Variants in STPG4 observed in about 807,000 individuals in gnomAD.
The protein encoded by STPG4 is protein STPG4.
In STPG4, 41 loss-of-function variants were observed where a neutral mutation model predicts 31.5. The observed-to-expected ratio is 1.30, with a 90% CI of 1.01 to 1.69. The LOEUF (loss-of-function observed/expected upper bound fraction) is 1.69. Among genes scored for constraint, STPG4 ranks in the 40% most tolerant of loss-of-function variants. The pLI is 0.00. For missense variants in STPG4, 375 were observed against 293.4 expected, an observed-to-expected ratio of 1.28 and a Z score of -2.03; for synonymous variants, 141 against 103.0, an observed-to-expected ratio of 1.37 and a Z score of -2.24.
intron 5 of STPG4, among the ~76,000 whole-genome samples, chr2:47,105,947 T>A (rs1685901521): frequency 6.6e-6 from 1 of 150,872 alleles, no homozygotes; most frequent in South Asian, 2.1e-4. Context: ...TACAAAGAGG[T>A]GGGAATCTTA....
intron 3 of STPG4, among the ~76,000 whole-genome samples, chr2:47,133,791 G>A (rs1429882695): frequency 6.6e-6 from 1 of 151,632 alleles, no homozygotes; most frequent in Admixed American, 6.6e-5. Flanking sequence ...TGGTCACGCT[G>A]GTCTCAAATG....
At chr2:47,123,988 T>G (rs141873224) in intron 5 of STPG4, among the ~76,000 whole-genome samples, 1 of 152,232 alleles carries the variant, frequency 6.6e-6, no homozygotes, top group East Asian at 1.9e-4. Flanking sequence ...TTTATTTATT[T>G]ATTTATTTTT....
At chr2:47,112,416 C>T (rs941600111) in intron 5 of STPG4, among the ~76,000 whole-genome samples, 1 of 151,826 alleles carries the variant, frequency 6.6e-6, no homozygotes, top group Non-Finnish European at 1.5e-5. Context: ...AGTGATCTGC[C>T]CACCTCGGCC....
At chr2:47,146,668 T>C (rs1357385683) in intron 3 of STPG4, among the ~76,000 whole-genome samples, 1 of 152,080 alleles carries the variant, frequency 6.6e-6, no homozygotes, top group Non-Finnish European at 1.5e-5. Context: ...ATGGTGTTCA[T>C]AGCCTTGAGT....
intron 5 of STPG4, among the ~76,000 whole-genome samples, chr2:47,114,240 C>T (rs1010204010): frequency 6.6e-6 from 1 of 151,940 alleles, no homozygotes; most frequent in African/African-American, 2.4e-5. Flanking sequence ...TGTGGTGGCT[C>T]ATACCTGTAA....
At chr2:47,144,545 T>C (rs965829561) in intron 3 of STPG4, among the ~76,000 whole-genome samples, 1 of 151,898 alleles carries the variant, frequency 6.6e-6, no homozygotes, top group African/African-American at 2.4e-5. Context: ...AACAAATGTA[T>C]AAATACACAA....
intron 5 of STPG4, among the ~76,000 whole-genome samples, chr2:47,099,285 G>T (rs1340008773): frequency 2.6e-5 from 4 of 152,218 alleles, no homozygotes; most frequent in African/African-American, 9.6e-5. Context: ...ATCTGAGGCA[G>T]TTCTGGCCTC....
intron 3 of STPG4, among the ~76,000 whole-genome samples, chr2:47,131,782 C>G (rs1477948622): frequency 6.6e-6 from 1 of 152,188 alleles, no homozygotes; most frequent in Non-Finnish European, 1.5e-5. Flanking sequence ...ACACTATTTC[C>G]ATCAGGAAAT....
rs567603347 is a variant in STPG4, at chr2:47,088,836, C to G, written c.624+1434G>C. ...AGTCCTAGCCAAACGTCAAAGGAAG[C>G]TGAAGCCTTTATTATTGCTATTAAT... On this transcript the variant is annotated intron_variant, in intron 6 of 6. Coordinates refer to ENST00000445927, the MANE Select transcript of STPG4 (RefSeq NM_001163561.2). Among the ~76,000 whole-genome samples, 8 of 152,312 alleles carry G rather than the reference C, an allele frequency of 5.3e-5. No individual in the cohort carries two copies. The East Asian group carries it at 1.5e-3, about 29-fold the overall frequency.
At chr2:47,106,860 C>T (rs959354272) in intron 5 of STPG4, among the ~76,000 whole-genome samples, 6 of 151,914 alleles carry the variant, frequency 3.9e-5, no homozygotes, top group African/African-American at 1.5e-4. Flanking sequence ...CCTCTAGAAT[C>T]GAGGCCATCA....
chr2:47,121,691 G>A (rs1441612668), intron 5 of STPG4, among the ~76,000 whole-genome samples: 1 of 152,094 alleles, frequency 6.6e-6, no homozygotes, highest in Non-Finnish European at 1.5e-5. Context: ...AGTTTCACTG[G>A]GCTAAAATTA....
At chr2:47,106,483 G>A (rs1163034065) in intron 5 of STPG4, among the ~76,000 whole-genome samples, 1 of 151,864 alleles carries the variant, frequency 6.6e-6, no homozygotes, top group Admixed American at 6.6e-5. Context: ...ACTCTCAAAG[G>A]ATTTCTCAGA....
intron 5 of STPG4, among the ~76,000 whole-genome samples, chr2:47,095,674 G>C (rs552581068): frequency 2.6e-5 from 4 of 152,186 alleles, no homozygotes; most frequent in African/African-American, 9.7e-5. Context: ...GGAATACAGT[G>C]ATATATGACT....
At chr2:47,109,858 T>A (rs531183343) in intron 5 of STPG4, among the ~76,000 whole-genome samples, 11 of 152,338 alleles carry the variant, frequency 7.2e-5, no homozygotes, top group Non-Finnish European at 1.5e-4. Context: ...CGTTTCACAA[T>A]GCTGGTTTGA....
At chr2:47,111,332 A>C (rs1375555026) in intron 5 of STPG4, among the ~76,000 whole-genome samples, 1 of 152,240 alleles carries the variant, frequency 6.6e-6, no homozygotes, top group East Asian at 1.9e-4. Context: ...GAAGTAGTGC[A>C]GAGTATCTGA....
rs1686966606 is a variant in STPG4 at position 47,152,976 on chromosome 2, C to T, written c.122G>A (p.Trp41Ter). Reference sequence around the variant, plus strand: ...ACATACTGTTAATGCTATTCTCCACCATCCTTCTCTTTCAAAAGAGGAAGT... The same window carrying T: ...ACATACTGTTAATGCTATTCTCCACTATCCTTCTCTTTCAAAAGAGGAAGT... ...QKTSSFEREG[W>*]WRIALTDTPI... The change falls in exon 2 of 7, where the codon TGG becomes TAG. Residue 41 changes from tryptophan (W) to a stop codon, truncating the protein, a stop_gained. Coordinates refer to ENST00000445927, the MANE Select transcript of STPG4 (RefSeq NM_001163561.2). LOFTEE classifies it high-confidence loss of function. 6 of 1,610,812 alleles carry T rather than the reference C, an allele frequency of 3.7e-6. No homozygotes were observed. The highest frequency in any genetic ancestry group is 5.1e-6 in the Non-Finnish European group (6 of 1,178,076).
intron 4 of STPG4, 54 bp from the exon 5 acceptor site, chr2:47,130,049 T>A: frequency 2.0e-6 from 3 of 1,487,670 alleles, no homozygotes; most frequent in Non-Finnish European, 2.8e-6. Context: ...TTTTTAAAGA[T>A]CTTTGTTAAC....
At chr2:47,124,007 G>C (rs1558680892) in intron 5 of STPG4, among the ~76,000 whole-genome samples, 1 of 151,358 alleles carries the variant, frequency 6.6e-6, no homozygotes, top group African/African-American at 2.4e-5. Context: ...TTTTGAGATG[G>C]AGTCTCACTC....
chr2:47,148,630 G>A (rs186538403), intron 3 of STPG4, among the ~76,000 whole-genome samples: 68 of 152,096 alleles, frequency 4.5e-4, no homozygotes, highest in African/African-American at 1.3e-3. Context: ...TGCTGCACCC[G>A]TGAACTCGTC....
Sources: gnomAD v4.1 joint callset for allele counts (sites outside exome capture counted in the v4.1 genomes callset) on GRCh38, gnomAD v4.1.1 for gene constraint, MANE v1.5 for transcripts, NCBI Gene and HGNC (gene_info 2026-07-23, HGNC 2026-07-21) for gene names.